Variants in RNF24 observed in about 807,000 individuals in gnomAD.
RNF24 encodes the protein ring finger protein 24.
RNF24 carries 14 observed loss-of-function variants against 20.0 expected under a neutral mutation model. The ratio of observed to expected loss-of-function variants is 0.70; its 90% confidence interval spans 0.46 to 1.10. The LOEUF (loss-of-function observed/expected upper bound fraction) is 1.10, where lower values mean the gene tolerates loss of function less well. RNF24 is among the 50% of genes least tolerant of loss of function. RNF24 has a pLI of 0.00. For synonymous variants in RNF24, 45 were observed against 61.1 expected, an observed-to-expected ratio of 0.74 and a Z score of 1.23; for missense variants, 124 against 177.6, an observed-to-expected ratio of 0.70 and a Z score of 1.71.
At chr20:3,968,387 C>T (rs1000478614) in intron 1 of RNF24, among the ~76,000 whole-genome samples, 1 of 152,086 alleles carries the variant, frequency 6.6e-6, no homozygotes, top group Non-Finnish European at 1.5e-5. Context: ...GGTGGGAGGA[C>T]TGCTCGAGGC....
chr20:4,009,632 A>G (rs946008540), intron 1 of RNF24, among the ~76,000 whole-genome samples: 3 of 152,250 alleles, frequency 2.0e-5, no homozygotes, highest in Admixed American at 6.5e-5. Context: ...TGGGTTGCTG[A>G]TAAGTTTAAG....
chr20:3,978,616 CG>C (rs1979107022), intron 1 of RNF24, among the ~76,000 whole-genome samples: 1 of 151,464 alleles, frequency 6.6e-6, no homozygotes, highest in African/African-American at 2.4e-5. Context: ...TTTTTAAATG[CG>C]GGATGCAATA....
intron 2 of RNF24, among the ~76,000 whole-genome samples, chr20:3,951,628 T>TTCTA (rs2146967695): frequency 6.6e-6 from 1 of 152,348 alleles, no homozygotes; most frequent in South Asian, 2.1e-4. Context: ...AATTATTTAT[T>TTCTA]TCTATCAGTC....
intron 1 of RNF24, among the ~76,000 whole-genome samples, chr20:3,976,172 C>T (rs1049605524): frequency 6.6e-6 from 1 of 152,008 alleles, no homozygotes; most frequent in African/African-American, 2.4e-5. Flanking sequence ...GTTTATGGCA[C>T]GTTGTTAAGG....
At position 3,945,163 on chromosome 20, in the gene RNF24, TATC is replaced by T. The variant is rs760401689; in HGVS notation, c.228+11_228+13del. On this transcript the variant is annotated intron_variant, in intron 4 of 5. Coordinates refer to ENST00000358395, the MANE Select transcript of RNF24 (RefSeq NM_001134337.3). ...AGAAAATGGCTCAAGAGGATTTACT[TATC>T]ATCAACTTACCTCATGTAAATTCAA... The T allele has an allele frequency of 5.8e-5, 93 of 1,598,206 alleles. No homozygotes were observed. The highest frequency in any genetic ancestry group is 7.2e-5 in the Non-Finnish European group (85 of 1,172,568).
rs1040113566 is a variant in RNF24, at chr20:3,932,567, G to A, written c.*1496C>T. 2 of 195,906 alleles carry A rather than the reference G, an allele frequency of 1.0e-5. No individual in the cohort carries two copies. The highest frequency in any genetic ancestry group is 2.0e-5 in the Non-Finnish European group (2 of 97,704). 12.1% of individuals were successfully genotyped at this position (195,906 alleles called of 1,614,324 possible). A position where few individuals can be genotyped will look rare whatever the true frequency, so the allele number is the denominator to read the frequency against. ...CTAAGAGGACAGAGGTTGGATTCCA[G>A]AAAAAAATCCTGGAGTCATGCCAAG... On this transcript the variant is annotated 3_prime_UTR_variant, in exon 6 of 6. Transcript: ENST00000358395.
At chr20:3,979,234 A>T (rs192292925) in intron 1 of RNF24, among the ~76,000 whole-genome samples, 5 of 152,236 alleles carry the variant, frequency 3.3e-5, no homozygotes, top group African/African-American at 1.2e-4. Context: ...CTACATTTAG[A>T]TAAACTATTT....
chr20:3,976,130 A>T (rs1255741762), intron 1 of RNF24, among the ~76,000 whole-genome samples: 1 of 152,144 alleles, frequency 6.6e-6, no homozygotes, highest in East Asian at 1.9e-4. Flanking sequence ...GAATTGTGAG[A>T]CAATAGATTT....
In RNF24 at chr20:3,933,553, A is replaced by C. The variant is rs77045648; in HGVS notation, c.*510T>G. 5,202 of 192,458 alleles carry C rather than the reference A, an allele frequency of 0.027. 279 individuals carry two copies. Among genetic ancestry groups the C allele is most frequent in the African/African-American group, 0.11 (4,841 of 43,114 alleles). 11.9% of individuals were successfully genotyped at this position (192,458 alleles called of 1,614,324 possible). On this transcript the variant is annotated 3_prime_UTR_variant, in exon 6 of 6. Coordinates refer to ENST00000358395, the MANE Select transcript of RNF24 (RefSeq NM_001134337.3). Reference sequence around the variant, plus strand: ...TACTCAAAGCCAAGATGGCCTTATCAAAGGCATACAACATGAGCCTTGTGG... The same window carrying C: ...TACTCAAAGCCAAGATGGCCTTATCCAAGGCATACAACATGAGCCTTGTGG...
At chr20:3,961,592 GCTTA>G (rs1361691076) in intron 2 of RNF24, among the ~76,000 whole-genome samples, 1 of 151,878 alleles carries the variant, frequency 6.6e-6, no homozygotes, top group Non-Finnish European at 1.5e-5. Context: ...AAAGTTAAAG[GCTTA>G]CTTAATTCTT....
At chr20:3,938,086 G>A (rs757411233) in intron 4 of RNF24, among the ~76,000 whole-genome samples, 1 of 152,122 alleles carries the variant, frequency 6.6e-6, no homozygotes, top group Non-Finnish European at 1.5e-5. Flanking sequence ...CAGTACGTAT[G>A]GGTTGTAATT....
At chr20:4,014,739 GCA>G (rs146278311) in intron 1 of RNF24, among the ~76,000 whole-genome samples, 12,116 of 143,522 alleles carry the variant, frequency 0.084, 884 homozygotes, top group African/African-American at 0.2. Context: ...ACTTGAATGC[GCA>G]CACACACACA....
chr20:3,980,426 G>C (rs1312836874), intron 1 of RNF24, among the ~76,000 whole-genome samples: 7 of 152,194 alleles, frequency 4.6e-5, no homozygotes, highest in African/African-American at 1.7e-4. Context: ...CTGGGCAGGG[G>C]ATGATTCACG....
At chr20:4,002,230 A>T (rs138282532) in intron 1 of RNF24, among the ~76,000 whole-genome samples, 4,294 of 152,024 alleles carry the variant, frequency 0.028, 98 homozygotes, top group Non-Finnish European at 0.045. Context: ...CTAAAAATAT[A>T]AAAAAATTAG....
At chr20:3,993,706 G>A (rs1226673891) in intron 1 of RNF24, among the ~76,000 whole-genome samples, 1 of 152,194 alleles carries the variant, frequency 6.6e-6, no homozygotes, top group Non-Finnish European at 1.5e-5. Flanking sequence ...AACAATTTCC[G>A]TGGTTGGTTC....
At chr20:3,948,872 T>G (rs1414716682) in intron 2 of RNF24, among the ~76,000 whole-genome samples, 1 of 152,244 alleles carries the variant, frequency 6.6e-6, no homozygotes, top group Non-Finnish European at 1.5e-5. Flanking sequence ...TTCTTCCATA[T>G]TGTTGTAGTA....
rs528166005 is a variant in RNF24 at position 3,928,747 on chromosome 20, C to CAAAAAAAAA, written c.*5307_*5315dup. On this transcript the variant is annotated 3_prime_UTR_variant, in exon 6 of 6. Transcript: ENST00000358395. ...TGGGTGACAGAGCGAGACTCCGTCTCAAAAAAAAAAAAAAAAAAAAAAAAA... is the reference window on the plus strand; with the variant it reads ...TGGGTGACAGAGCGAGACTCCGTCTCAAAAAAAAAAAAAAAAAAAAAAAAAAAAAAAAAA... 2.3e-4 allele frequency: 13 copies of CAAAAAAAAA among 56,856 alleles called. 2 individuals carry two copies. Among genetic ancestry groups the CAAAAAAAAA allele is most frequent in the Non-Finnish European group, 3.8e-4 (11 of 29,026 alleles). 3.5% of individuals were successfully genotyped at this position (56,856 alleles called of 1,614,324 possible). A position where few individuals can be genotyped will look rare whatever the true frequency, so the allele number is the denominator to read the frequency against.
intron 3 of RNF24, among the ~76,000 whole-genome samples, chr20:3,946,381 G>A (rs2091017228): frequency 6.6e-6 from 1 of 152,154 alleles, no homozygotes. Flanking sequence ...CTGAGCCCAG[G>A]AGGCAGAGGT....
At chr20:3,987,556 G>C (rs961024886) in intron 1 of RNF24, among the ~76,000 whole-genome samples, 7 of 152,124 alleles carry the variant, frequency 4.6e-5, no homozygotes, top group African/African-American at 1.7e-4. Context: ...TCTTTACTCA[G>C]AGCCAATTTT....
Sources: allele counts gnomAD v4.1 joint callset (sites outside exome capture counted in the v4.1 genomes callset), GRCh38; gene constraint gnomAD v4.1.1; transcripts MANE v1.5; gene names NCBI Gene and HGNC (gene_info 2026-07-23, HGNC 2026-07-21).